The following GLRA3 variants were observed in gnomAD, a reference collection of about 807,000 sequenced individuals.
GLRA3 encodes the protein glycine receptor subunit alpha-3.
Under a neutral mutation model 60.4 loss-of-function variants are expected in GLRA3, and 44 were observed. The observed-to-expected ratio is 0.73, with a 90% CI of 0.57 to 0.94. GLRA3 has a LOEUF of 0.94. Ranked by LOEUF, GLRA3 falls within the 40% of genes least tolerant of loss-of-function variation. GLRA3 has a pLI of 0.00. For synonymous variants in GLRA3, 223 were observed against 192.9 expected (o/e 1.16, Z -1.29); for missense variants, 508 against 564.6 (o/e 0.90, Z 1.02).
intron 1 of GLRA3, among the ~76,000 whole-genome samples, chr4:174,798,728 T>C (rs749103135): frequency 3.3e-5 from 5 of 152,216 alleles, no homozygotes; most frequent in Admixed American, 2.0e-4. Context: ...ACGGAGACCA[T>C]CCTGGCTAAC....
rs370844449 is a variant in GLRA3 at position 174,692,301 on chromosome 4, G to A, written c.575-9362C>T. Reference sequence around the variant, plus strand: ...AGCACCCCACCCGGCCAGCCGCCCCGTCTGGGAGGGAGGTGGGGGGGTCAG... The same window carrying A: ...AGCACCCCACCCGGCCAGCCGCCCCATCTGGGAGGGAGGTGGGGGGGTCAG... On this transcript the variant is annotated intron_variant, in intron 5 of 9. Coordinates refer to ENST00000274093, the MANE Select transcript of GLRA3 (RefSeq NM_006529.4). 6.7e-4 allele frequency among the ~76,000 whole-genome samples: 92 copies of A among 136,604 alleles called. 2 individuals are homozygous for A. Among genetic ancestry groups the A allele is most frequent in the East Asian group, 4.0e-3 (20 of 5,006 alleles). The allele number at this position is 136,604 out of a possible 152,430, so 89.6% of individuals were successfully genotyped here. A position where few individuals can be genotyped will look rare whatever the true frequency, so the allele number is the denominator to read the frequency against.
At chr4:174,785,398 T>C (rs914259176) in intron 2 of GLRA3, among the ~76,000 whole-genome samples, 2 of 152,134 alleles carry the variant, frequency 1.3e-5, no homozygotes, top group Non-Finnish European at 2.9e-5. Flanking sequence ...TTTTATACTA[T>C]TACTCCAGAA....
chr4:174,685,120 G>A (rs1274193630), intron 5 of GLRA3, among the ~76,000 whole-genome samples: 3 of 152,198 alleles, frequency 2.0e-5, no homozygotes, highest in African/African-American at 7.2e-5. Flanking sequence ...AGCTTGTATT[G>A]TAGAGAAGAG....
At chr4:174,727,499 G>A (rs914023238) in intron 4 of GLRA3, among the ~76,000 whole-genome samples, 3 of 152,152 alleles carry the variant, frequency 2.0e-5, no homozygotes, top group African/African-American at 7.2e-5. Context: ...CTTGCTAGAA[G>A]TATAACATAT....
intron 5 of GLRA3, among the ~76,000 whole-genome samples, chr4:174,714,651 G>C (rs770115154): frequency 6.6e-6 from 1 of 151,976 alleles, no homozygotes. Flanking sequence ...TCTGAGGCTC[G>C]GCCTTCAAAT....
chr4:174,656,767 C>A lies in GLRA3; in HGVS notation c.1092G>T (p.Glu364Asp). 1 of 1,588,338 alleles carries A rather than the reference C, an allele frequency of 6.3e-7. No homozygotes were observed. The highest frequency in any genetic ancestry group is 8.6e-7 in the Non-Finnish European group (1 of 1,156,942). The change falls in exon 9 of 10, where the codon GAG (glutamate) becomes GAT (aspartate). Residue 364 changes from glutamate to aspartate, a missense_variant. By Grantham distance (45) the Glu-to-Asp change is conservative. This residue lies in a region of GLRA3 where 176 missense variants were observed against 197.9 expected (regional missense o/e 0.89). Transcript: ENST00000274093. ...RKNKTEAFAL[E>D]KFYRFSDMDD... is the part of the protein sequence containing the mutation. ...CCATATCTGAGAAACGGTAAAACTT[C>A]TCCAGTGCAAAAGCTTCTGTCTGTG...
intron 2 of GLRA3, among the ~76,000 whole-genome samples, chr4:174,781,061 G>C (rs1361432240): frequency 6.6e-6 from 1 of 152,046 alleles, no homozygotes; most frequent in African/African-American, 2.4e-5. Context: ...CACATACTTG[G>C]AAGTAAAGCT....
At chr4:174,733,895 A>C (rs2111149999) in intron 3 of GLRA3, among the ~76,000 whole-genome samples, 1 of 152,330 alleles carries the variant, frequency 6.6e-6, no homozygotes, top group South Asian at 2.1e-4. Context: ...TAAAAGAATA[A>C]AAACACCACT....
At chr4:174,710,551 T>C (rs1254042082) in intron 5 of GLRA3, among the ~76,000 whole-genome samples, 6 of 152,138 alleles carry the variant, frequency 3.9e-5, no homozygotes, top group East Asian at 1.9e-4. Flanking sequence ...CCTATCATTA[T>C]TGTCTCCGCT....
intron 3 of GLRA3, among the ~76,000 whole-genome samples, chr4:174,743,398 T>A (rs1026904681): frequency 2.6e-5 from 4 of 152,214 alleles, no homozygotes; most frequent in African/African-American, 9.6e-5. Flanking sequence ...GTCTTTTTTT[T>A]CTTTTTTCAT....
intron 3 of GLRA3, among the ~76,000 whole-genome samples, chr4:174,765,488 A>G (rs1446664905): frequency 1.3e-5 from 2 of 152,054 alleles, no homozygotes; most frequent in Non-Finnish European, 2.9e-5. Context: ...GGTTTTTAGG[A>G]TTACACATGT....
intron 7 of GLRA3, among the ~76,000 whole-genome samples, chr4:174,665,904 C>T (rs532453386): frequency 3.9e-5 from 6 of 152,036 alleles, no homozygotes; most frequent in Non-Finnish European, 8.8e-5. Context: ...AGGAAATGCT[C>T]TTCATACAGT....
chr4:174,715,233 T>C (rs974107661), intron 5 of GLRA3, among the ~76,000 whole-genome samples: 6 of 152,234 alleles, frequency 3.9e-5, no homozygotes, highest in African/African-American at 1.4e-4. Context: ...TCTGATGATG[T>C]GTATGGAAAC....
intron 1 of GLRA3, among the ~76,000 whole-genome samples, chr4:174,809,329 A>C (rs926005982): frequency 3.9e-5 from 6 of 152,136 alleles, no homozygotes; most frequent in Non-Finnish European, 8.8e-5. Context: ...ACACTCTATG[A>C]TGTTCATACA....
At chr4:174,688,630 G>T (rs1244102234) in intron 5 of GLRA3, among the ~76,000 whole-genome samples, 2 of 143,960 alleles carry the variant, frequency 1.4e-5, no homozygotes, top group Admixed American at 7.1e-5. Context: ...CGTTATTTTG[G>T]GTTGCCTTGA....
intron 9 of GLRA3, among the ~76,000 whole-genome samples, chr4:174,646,354 T>C (rs891304423): frequency 6.6e-6 from 1 of 152,228 alleles, no homozygotes; most frequent in Non-Finnish European, 1.5e-5. Context: ...TCTTTCCATA[T>C]AGCTGAGGGT....
At chr4:174,677,893 C>T (rs1475029094) in intron 6 of GLRA3, among the ~76,000 whole-genome samples, 1 of 152,110 alleles carries the variant, frequency 6.6e-6, no homozygotes, top group East Asian at 1.9e-4. Flanking sequence ...ACGACAATTG[C>T]TTCTGAGGCA....
At chr4:174,745,546 A>T (rs1250752435) in intron 3 of GLRA3, among the ~76,000 whole-genome samples, 1 of 152,172 alleles carries the variant, frequency 6.6e-6, no homozygotes, top group East Asian at 1.9e-4. Flanking sequence ...TTAAGTGCTG[A>T]CTTTTCCCTA....
intron 1 of GLRA3, among the ~76,000 whole-genome samples, chr4:174,802,229 CA>C (rs1044715530): frequency 7.9e-5 from 12 of 151,846 alleles, no homozygotes; most frequent in Admixed American, 2.6e-4. Context: ...GAAATTGGCC[CA>C]ATTTTCCCAT....
Sources: gnomAD v4.1 joint callset for allele counts (sites outside exome capture counted in the v4.1 genomes callset) on GRCh38, gnomAD v4.1.1 for gene constraint, gnomAD v4.1.1 regional missense constraint, MANE v1.5 for transcripts, NCBI Gene and HGNC (gene_info 2026-07-23, HGNC 2026-07-21) for gene names.